Variants in SGCZ observed in about 807,000 individuals in gnomAD.
SGCZ encodes zeta-sarcoglycan.
A neutral mutation model predicts 41.3 loss-of-function variants in SGCZ; 40 were observed. The ratio of observed to expected loss-of-function variants is 0.97; its 90% confidence interval spans 0.75 to 1.26. The LOEUF is 1.26. SGCZ is among the 50% of genes most tolerant of loss of function. SGCZ has a pLI of 0.00. For synonymous variants in SGCZ, 206 were observed against 137.5 expected, an observed-to-expected ratio of 1.50 and a Z score of -3.49; for missense variants, 552 against 369.8, an observed-to-expected ratio of 1.49 and a Z score of -4.04.
At chr8:14,197,506 A>G (rs1805303696) in intron 4 of SGCZ, among the ~76,000 whole-genome samples, 1 of 152,140 alleles carries the variant, frequency 6.6e-6, no homozygotes, top group Non-Finnish European at 1.5e-5. Context: ...TCAGCCTTTG[A>G]AAAATCTACC....
At chr8:14,329,071 T>C (rs1049604927) in intron 2 of SGCZ, among the ~76,000 whole-genome samples, 1 of 152,104 alleles carries the variant, frequency 6.6e-6, no homozygotes, top group Non-Finnish European at 1.5e-5. Context: ...CGTTTTTTTT[T>C]CTTCTAAATT....
chr8:14,367,248 T>G (rs551479366), intron 2 of SGCZ, among the ~76,000 whole-genome samples: 5 of 152,210 alleles, frequency 3.3e-5, no homozygotes, highest in African/African-American at 1.2e-4. Flanking sequence ...CACTTGAGAC[T>G]ACCTCAGCCT....
At chr8:14,977,436 A>G (rs1425348260) in intron 1 of SGCZ, among the ~76,000 whole-genome samples, 1 of 152,214 alleles carries the variant, frequency 6.6e-6, no homozygotes, top group Non-Finnish European at 1.5e-5. Context: ...CACCAATTCT[A>G]AAGAGTAGTG....
chr8:15,147,085 C>T (rs971094979), intron 1 of SGCZ, among the ~76,000 whole-genome samples: 2 of 152,086 alleles, frequency 1.3e-5, no homozygotes, highest in African/African-American at 4.8e-5. Context: ...AGATAATATA[C>T]ATCATTGAAA....
intron 2 of SGCZ, among the ~76,000 whole-genome samples, chr8:14,438,341 T>C (rs1417773408): frequency 6.6e-6 from 1 of 152,004 alleles, no homozygotes; most frequent in Non-Finnish European, 1.5e-5. Flanking sequence ...ATTACACACA[T>C]TTTCTGAAAT....
chr8:14,452,490 T>A (rs142553351), intron 2 of SGCZ, among the ~76,000 whole-genome samples: 2,876 of 151,482 alleles, frequency 0.019, 45 homozygotes, highest in Middle Eastern at 0.042. Flanking sequence ...CTCAAAAAAA[T>A]AATAATAATA....
Position 14,774,021 on chromosome 8 carries a change from C to T in SGCZ, c.40-219095G>A, listed in dbSNP as rs116691559. 3.0e-3 allele frequency among the ~76,000 whole-genome samples: 459 copies of T among 152,234 alleles called. 3 individuals are homozygous for T. The highest frequency in any genetic ancestry group is 0.01 in the African/African-American group (425 of 41,554). ...GGAGTGACAACTTGGTTGGACCACT[C>T]GGCTCAGATATGCAGTCAAGCATTA... On this transcript the variant is annotated intron_variant, in intron 1 of 7. Transcript: ENST00000382080.
chr8:14,098,400 T>C (rs1801910255), intron 7 of SGCZ, among the ~76,000 whole-genome samples: 1 of 152,158 alleles, frequency 6.6e-6, no homozygotes, highest in Non-Finnish European at 1.5e-5. Flanking sequence ...GTATGGATGT[T>C]GGGTCTCATT....
intron 2 of SGCZ, among the ~76,000 whole-genome samples, chr8:14,519,972 TG>T (rs1203048430): frequency 2.6e-5 from 4 of 152,160 alleles, no homozygotes; most frequent in African/African-American, 9.7e-5. Context: ...CAATAAGTGC[TG>T]ATTGTAAAAA....
chr8:15,102,396 T>C (rs569746660), intron 1 of SGCZ, among the ~76,000 whole-genome samples: 137 of 152,294 alleles, frequency 9.0e-4, no homozygotes, highest in African/African-American at 2.5e-3. Context: ...ATAGAAAATA[T>C]GAGTTTTTAG....
chr8:15,166,052 T>C (rs1182993945), intron 1 of SGCZ, among the ~76,000 whole-genome samples: 3 of 152,146 alleles, frequency 2.0e-5, no homozygotes, highest in Non-Finnish European at 4.4e-5. Context: ...TAATATCGAG[T>C]GTTTTAAACC....
chr8:14,172,234 A>G (rs1427174410), intron 4 of SGCZ, among the ~76,000 whole-genome samples: 2 of 152,310 alleles, frequency 1.3e-5, no homozygotes, highest in East Asian at 1.9e-4. Context: ...GGGTCAGCAA[A>G]CATGCTTTAA....
At chr8:15,119,779 C>A (rs542621200) in intron 1 of SGCZ, among the ~76,000 whole-genome samples, 2 of 152,254 alleles carry the variant, frequency 1.3e-5, no homozygotes, top group African/African-American at 2.4e-5. Context: ...CTTATATTCT[C>A]TCCATCTGGC....
intron 1 of SGCZ, among the ~76,000 whole-genome samples, chr8:14,571,004 G>C (rs930646844): frequency 5.9e-5 from 9 of 152,118 alleles, no homozygotes; most frequent in Non-Finnish European, 1.2e-4. Context: ...TCATTACCTT[G>C]ACAGGTGTAT....
chr8:14,305,391 T>C (rs1398654727), intron 3 of SGCZ, among the ~76,000 whole-genome samples: 1 of 152,166 alleles, frequency 6.6e-6, no homozygotes, highest in Non-Finnish European at 1.5e-5. Flanking sequence ...TCAATGTCCC[T>C]AAACCAAGAC....
chr8:14,766,313 T>C (rs1054540109), intron 1 of SGCZ, among the ~76,000 whole-genome samples: 26 of 152,022 alleles, frequency 1.7e-4, no homozygotes, highest in African/African-American at 6.3e-4. Flanking sequence ...TAAAAATATA[T>C]ATATTATAAG....
intron 1 of SGCZ, among the ~76,000 whole-genome samples, chr8:14,907,641 A>G (rs1044853329): frequency 5.9e-5 from 9 of 152,150 alleles, no homozygotes; most frequent in African/African-American, 1.9e-4. Flanking sequence ...CAGAAGTTCA[A>G]GTCCAATCTG....
In SGCZ at chr8:14,379,981, C is replaced by T. The variant is rs1346913300; in HGVS notation, c.235-55777G>A. 2.6e-5 allele frequency among the ~76,000 whole-genome samples: 4 copies of T among 152,188 alleles called. No individual in the cohort carries two copies. In the East Asian group the frequency reaches 7.7e-4, roughly 29 times the overall value. On this transcript the variant is annotated intron_variant, in intron 2 of 7. Transcript: ENST00000382080. ...CTCCCGACCTCAGGTGATCCACCCA[C>T]CTCGGCCTCCGAAGTGCTGGGATTA...
intron 1 of SGCZ, among the ~76,000 whole-genome samples, chr8:14,907,349 T>A (rs1010005988): frequency 2.0e-5 from 3 of 152,044 alleles, no homozygotes; most frequent in African/African-American, 7.2e-5. Context: ...CACACCACTA[T>A]GCCTGGATAA....
Sources: gnomAD v4.1 joint callset for allele counts (sites outside exome capture counted in the v4.1 genomes callset) on GRCh38, gnomAD v4.1.1 for gene constraint, MANE v1.5 for transcripts, NCBI Gene and HGNC (gene_info 2026-07-23, HGNC 2026-07-21) for gene names.